Variants in NDST3 observed in about 807,000 individuals in gnomAD.
NDST3 encodes bifunctional heparan sulfate N-deacetylase/N-sulfotransferase 3.
NDST3 carries 58 observed loss-of-function variants against 96.1 expected under a neutral mutation model. The ratio of observed to expected loss-of-function variants is 0.60; its 90% CI spans 0.49 to 0.75. The LOEUF is 0.75. NDST3 is among the 30% of genes least tolerant of loss of function. The pLI, the probability that NDST3 is intolerant of heterozygous loss-of-function variation, is 0.00. For synonymous variants in NDST3, 333 were observed against 359.7 expected (o/e 0.93, Z 0.84); for missense variants, 788 against 1,034.2 (o/e 0.76, Z 3.27).
chr4:118,167,550 G>C (rs1228028018), intron 6 of NDST3, among the ~76,000 whole-genome samples: 1 of 151,710 alleles, frequency 6.6e-6, no homozygotes, highest in East Asian at 1.9e-4. Flanking sequence ...TACCGAAATA[G>C]AAAAAACAAT....
chr4:118,135,845 C>T (rs1733039487), intron 4 of NDST3, among the ~76,000 whole-genome samples: 1 of 152,030 alleles, frequency 6.6e-6, no homozygotes, highest in Non-Finnish European at 1.5e-5. Context: ...CACCACTGTA[C>T]ACCAGCCTGG....
intron 3 of NDST3, among the ~76,000 whole-genome samples, chr4:118,111,032 G>A (rs553273815): frequency 6.6e-6 from 1 of 152,270 alleles, no homozygotes; most frequent in South Asian, 2.1e-4. Flanking sequence ...GGATGCAGCT[G>A]GAGGCCATTA....
rs538364075 is a variant in NDST3 at position 118,166,139 on chromosome 4, G to A, written c.1539+22455G>A. Among the ~76,000 whole-genome samples, 3 of 151,594 alleles carry A rather than the reference G, an allele frequency of 2.0e-5. No individual in the cohort carries two copies. In the South Asian group the frequency reaches 6.3e-4, roughly 32 times the overall value. ...ATCAATGAAATTGGTTTTTTGAAAT[G>A]ATTAACATCATTGGCAAACCTTTAG... On this transcript the variant is annotated intron_variant, in intron 6 of 13. Transcript: ENST00000296499.
intron 6 of NDST3, among the ~76,000 whole-genome samples, chr4:118,145,748 AC>A (rs1342833597): frequency 2.0e-5 from 3 of 152,150 alleles, no homozygotes; most frequent in Non-Finnish European, 4.4e-5. Context: ...GCCGCACAAA[AC>A]TTGTTCTTTC....
chr4:118,227,057 G>A, intron 8 of NDST3, 75 bp downstream of exon 8: 1 of 988,480 alleles, frequency 1.0e-6, no homozygotes, highest in Non-Finnish European at 1.6e-6. Flanking sequence ...GTCACAATAA[G>A]TTCGTAAACT....
chr4:118,085,525 T>C (rs1282103306), intron 2 of NDST3, among the ~76,000 whole-genome samples: 1 of 152,204 alleles, frequency 6.6e-6, no homozygotes, highest in Non-Finnish European at 1.5e-5. Context: ...ATGAACACAA[T>C]ATGCAGAATG....
intron 6 of NDST3, among the ~76,000 whole-genome samples, chr4:118,215,921 A>G (rs1227508105): frequency 2.6e-5 from 4 of 152,100 alleles, no homozygotes; most frequent in Non-Finnish European, 5.9e-5. Context: ...GAGAGGGATG[A>G]AAGTTTAAAA....
At chr4:118,247,628 C>T (rs1356936194) in intron 12 of NDST3, among the ~76,000 whole-genome samples, 1 of 152,006 alleles carries the variant, frequency 6.6e-6, no homozygotes, top group African/African-American at 2.4e-5. Context: ...CTGCAATGGG[C>T]TGCAAAAATA....
chr4:118,197,304 T>C (rs977750931), intron 6 of NDST3, among the ~76,000 whole-genome samples: 1 of 152,186 alleles, frequency 6.6e-6, no homozygotes, highest in African/African-American at 2.4e-5. Flanking sequence ...GGGAAAAGAA[T>C]GTGTATTCTG....
chr4:118,065,304 TCAAA>T (rs1468176260), intron 2 of NDST3, among the ~76,000 whole-genome samples: 2 of 152,158 alleles, frequency 1.3e-5, no homozygotes, highest in Admixed American at 6.6e-5. Flanking sequence ...ATATACATGC[TCAAA>T]CAATTACTCT....
At chr4:118,178,947 G>A (rs1736432805) in intron 6 of NDST3, among the ~76,000 whole-genome samples, 1 of 151,986 alleles carries the variant, frequency 6.6e-6, no homozygotes, top group Non-Finnish European at 1.5e-5. Context: ...AAGTTGGCCA[G>A]CTACAATTCA....
intron 6 of NDST3, chr4:118,193,811 T>C (rs561615811): frequency 1.3e-4 from 191 of 1,480,090 alleles, no homozygotes; most frequent in African/African-American, 1.2e-3. Flanking sequence ...CATGGCCAGG[T>C]TGAGGTAAGA....
chr4:118,041,649 G>T (rs1381973467), intron 1 of NDST3, among the ~76,000 whole-genome samples: 2 of 152,152 alleles, frequency 1.3e-5, no homozygotes, highest in Admixed American at 1.3e-4. Flanking sequence ...TGACATGCAG[G>T]CTAGTGTGCT....
At chr4:118,110,710 A>C (rs1020205748) in intron 3 of NDST3, among the ~76,000 whole-genome samples, 1 of 152,184 alleles carries the variant, frequency 6.6e-6, no homozygotes. Context: ...TTTTGTGATA[A>C]GTTAAGAAAT....
intron 6 of NDST3, among the ~76,000 whole-genome samples, chr4:118,172,025 G>C (rs1735986963): frequency 6.6e-6 from 1 of 152,054 alleles, no homozygotes; most frequent in Admixed American, 6.6e-5. Flanking sequence ...TAATAATAGA[G>C]GTCTCTCTTA....
At chr4:118,072,841 T>C (rs934647255) in intron 2 of NDST3, among the ~76,000 whole-genome samples, 1 of 152,276 alleles carries the variant, frequency 6.6e-6, no homozygotes, top group South Asian at 2.1e-4. Context: ...TTTTGCCTGT[T>C]CAGTATGATA....
intron 6 of NDST3, among the ~76,000 whole-genome samples, chr4:118,183,280 T>A (rs531634930): frequency 1.3e-5 from 2 of 152,172 alleles, no homozygotes; most frequent in Non-Finnish European, 2.9e-5. Context: ...CTGCCCCACA[T>A]TGGGCACCAG....
intron 6 of NDST3, among the ~76,000 whole-genome samples, chr4:118,167,641 T>A (rs1000437598): frequency 6.6e-6 from 1 of 152,012 alleles, no homozygotes; most frequent in Non-Finnish European, 1.5e-5. Flanking sequence ...GGAAGCATCC[T>A]ACTTCCTGAT....
In NDST3 at chr4:118,044,317, G is replaced by T. The variant is rs191514931; in HGVS notation, c.-155-9439G>T. Among the ~76,000 whole-genome samples, 377 of 152,282 alleles carry T rather than the reference G, an allele frequency of 2.5e-3. 2 individuals carry two copies. The highest frequency in any genetic ancestry group is 8.6e-3 in the African/African-American group (357 of 41,560). On this transcript the variant is annotated intron_variant, in intron 1 of 13. Transcript: ENST00000296499. ...TAAAAGCGCAATTACTTATCAAAAT[G>T]AAATAACTATAATTACAATGAAAAC...
Sources: allele counts gnomAD v4.1 joint callset (sites outside exome capture counted in the v4.1 genomes callset), GRCh38; gene constraint gnomAD v4.1.1; transcripts MANE v1.5; gene names NCBI Gene and HGNC (gene_info 2026-07-23, HGNC 2026-07-21).